The following ZBTB44 variants were observed in gnomAD, a reference collection of about 807,000 sequenced individuals.
The protein encoded by ZBTB44 is zinc finger and BTB domain containing 44.
A neutral mutation model predicts 54.0 loss-of-function variants in ZBTB44; 15 were observed. That is an observed-to-expected ratio of 0.28 (90% confidence interval 0.19 to 0.43). The LOEUF is 0.43. ZBTB44 is among the 20% of genes least tolerant of loss of function. The pLI is 1.00. For synonymous variants in ZBTB44, 230 were observed against 250.1 expected (o/e 0.92, Z 0.76); for missense variants, 487 against 707.1 (o/e 0.69, Z 3.53).
chr11:130,271,107 G>A (rs1190220500), intron 1 of ZBTB44, among the ~76,000 whole-genome samples: 1 of 152,114 alleles, frequency 6.6e-6, no homozygotes, highest in Non-Finnish European at 1.5e-5. Flanking sequence ...ATACAACAGA[G>A]TGAAATATAT....
At chr11:130,235,984 A>T in intron 5 of ZBTB44, 6 of 897,444 alleles carry the variant, frequency 6.7e-6, no homozygotes, top group Non-Finnish European at 8.5e-6. Context: ...AAAAAAAAGA[A>T]AGATTTGTAA....
At chr11:130,241,139 T>C (rs1021773946) in intron 2 of ZBTB44, among the ~76,000 whole-genome samples, 1 of 152,242 alleles carries the variant, frequency 6.6e-6, no homozygotes, top group African/African-American at 2.4e-5. Flanking sequence ...TTTTTGGCTA[T>C]TAAGAACAAT....
At chr11:130,303,060 C>T (rs942902615) in intron 1 of ZBTB44, among the ~76,000 whole-genome samples, 1 of 152,150 alleles carries the variant, frequency 6.6e-6, no homozygotes, top group Non-Finnish European at 1.5e-5. Flanking sequence ...ATTTTCTTAT[C>T]AAAGAGCACG....
chr11:130,258,598 C>A (rs1325094134), intron 2 of ZBTB44, among the ~76,000 whole-genome samples: 1 of 152,160 alleles, frequency 6.6e-6, no homozygotes, highest in African/African-American at 2.4e-5. Context: ...CCATTTTGCT[C>A]TAATTTTGTT....
chr11:130,295,994 T>G, intron 1 of ZBTB44: 2 of 1,553,342 alleles, frequency 1.3e-6, no homozygotes, highest in South Asian at 1.1e-5. Flanking sequence ...CTGTATCATA[T>G]GCAGAATATC....
chr11:130,288,524 C>G (rs1029360057), intron 1 of ZBTB44, among the ~76,000 whole-genome samples: 2 of 152,104 alleles, frequency 1.3e-5, no homozygotes, highest in Non-Finnish European at 2.9e-5. Context: ...TTTAATCTCA[C>G]GTACTCTCTA....
chr11:130,258,531 A>G (rs907386079), intron 2 of ZBTB44, among the ~76,000 whole-genome samples: 1 of 152,204 alleles, frequency 6.6e-6, no homozygotes, highest in Non-Finnish European at 1.5e-5. Flanking sequence ...CACTAAGATA[A>G]AATCCAAGCT....
chr11:130,292,375 C>G (rs964021428), intron 1 of ZBTB44, among the ~76,000 whole-genome samples: 2 of 152,130 alleles, frequency 1.3e-5, no homozygotes, highest in African/African-American at 4.8e-5. Context: ...ACTTTACATA[C>G]AAGTGATCAG....
rs1174570075 is a variant in ZBTB44, at chr11:130,314,773, G to A, written c.-455C>T. On this transcript the variant is annotated 5_prime_UTR_variant, in exon 1 of 8. Coordinates refer to ENST00000357899, the MANE Select transcript of ZBTB44 (RefSeq NM_001301098.2). ...ACGGCTCGCGTGTTCCCAGCGGGGCGGGGTGGGGAAGGGGAAGGGGACTGA... is the reference window on the plus strand; with the variant it reads ...ACGGCTCGCGTGTTCCCAGCGGGGCAGGGTGGGGAAGGGGAAGGGGACTGA... 6.6e-6 allele frequency: 1 copy of A among 151,044 alleles called. No individual in the cohort carries two copies. The highest frequency in any genetic ancestry group is 1.5e-5 in the Non-Finnish European group (1 of 67,618). 9.4% of individuals were successfully genotyped at this position (151,044 alleles called of 1,614,324 possible).
intron 1 of ZBTB44, among the ~76,000 whole-genome samples, chr11:130,290,185 G>A (rs1941219381): frequency 1.3e-5 from 2 of 152,096 alleles, no homozygotes; most frequent in African/African-American, 4.8e-5. Context: ...AAGAGGAGGT[G>A]GTGTAGCAAC....
Position 130,261,839 on chromosome 11 carries a change from G to C in ZBTB44, c.35C>G (p.Ser12Cys), listed in dbSNP as rs1565660279. Residue 12 changes from serine (S) to cysteine (C), a missense_variant, in exon 2 of 8, where the codon TCC becomes TGC. Ser to Cys is a moderately radical substitution (Grantham distance 112). Around this residue, in one of 3 missense-constraint regions of ZBTB44, gnomAD observed 90 missense variants for 160.3 expected, o/e 0.56. Coordinates refer to ENST00000357899, the MANE Select transcript of ZBTB44 (RefSeq NM_001301098.2). This position sits in a 1 kb window ranked among gnomAD's most constrained non-coding sequence, Gnocchi z 4.8. The part of the protein sequence containing the change: ...GVKTFTHSSS[S>C]HSQEMLGKLN... Reference sequence around the variant, plus strand: ...CTTTCCAAGCATTTCCTGGCTGTGGGAAGAGGAGCTATGAGTAAATGTTTT... The same window carrying C: ...CTTTCCAAGCATTTCCTGGCTGTGGCAAGAGGAGCTATGAGTAAATGTTTT... 1 of 1,613,106 alleles carries C rather than the reference G, an allele frequency of 6.2e-7. No homozygotes were observed. Among genetic ancestry groups the C allele is most frequent in the Non-Finnish European group, 8.5e-7 (1 of 1,179,208 alleles).
In ZBTB44 at chr11:130,261,466, T is replaced by G; in HGVS notation, c.408A>C (p.Gln136His). The G allele has an allele frequency of 6.2e-7, 1 of 1,613,972 alleles. No individual in the cohort carries two copies. The highest frequency in any genetic ancestry group is 8.5e-7 in the Non-Finnish European group (1 of 1,179,882). ...SSILWNTPNS[Q>H]PEKGLDAGQE... ...GTCCAGCATCTAGACCCTTTTCAGGTTGGCTGTTGGGTGTATTCCATAAAA... is the reference window on the plus strand; with the variant it reads ...GTCCAGCATCTAGACCCTTTTCAGGGTGGCTGTTGGGTGTATTCCATAAAA... Residue 136 changes from glutamine to histidine, a missense_variant, in exon 2 of 8, where the codon CAA becomes CAC. This residue lies in a region of ZBTB44 where 277 missense variants were observed against 306.5 expected (regional missense o/e 0.90). Transcript: ENST00000357899. The surrounding 1 kb of genome is among the most constrained non-coding windows in gnomAD (Gnocchi z 4.8).
rs576465579 is a variant in ZBTB44, at chr11:130,259,210, T to C, written c.1018+1646A>G. Among the ~76,000 whole-genome samples the C allele has an allele frequency of 3.3e-5, 5 of 152,292 alleles. No individual in the cohort carries two copies. In the South Asian group the frequency reaches 1.0e-3, roughly 32 times the overall value. On this transcript the variant is annotated intron_variant, in intron 2 of 7. Coordinates refer to ENST00000357899, the MANE Select transcript of ZBTB44 (RefSeq NM_001301098.2). ...GTTACCATTGACTTTCTTCACGGAA[T>C]TGGAAAAAACTCCTTTAAATTTCAT...
chr11:130,257,169 T>C (rs760642555), intron 2 of ZBTB44, among the ~76,000 whole-genome samples: 18 of 143,420 alleles, frequency 1.3e-4, no homozygotes, highest in Non-Finnish European at 2.4e-4. Context: ...CTTCCATTCA[T>C]AATTGCTACA....
chr11:130,268,309 A>T (rs74415696), intron 1 of ZBTB44, among the ~76,000 whole-genome samples: 6,144 of 152,000 alleles, frequency 0.04, 312 homozygotes, highest in African/African-American at 0.11. Flanking sequence ...CTCATTAAAC[A>T]AACTGCCACA....
intron 1 of ZBTB44, among the ~76,000 whole-genome samples, chr11:130,269,194 C>A (rs1323010730): frequency 6.6e-6 from 1 of 151,930 alleles, no homozygotes; most frequent in Non-Finnish European, 1.5e-5. Flanking sequence ...GAGGCTGAGG[C>A]AGGTGAATCA....
At chr11:130,244,670 A>AGG (rs1565648507) in intron 2 of ZBTB44, among the ~76,000 whole-genome samples, 54 of 108,532 alleles carry the variant, frequency 5.0e-4, no homozygotes, top group African/African-American at 1.8e-3. Context: ...CTGTCTGGAA[A>AGG]AAAAAAAAAA....
At chr11:130,305,747 T>C (rs1351919123) in intron 1 of ZBTB44, among the ~76,000 whole-genome samples, 1 of 151,926 alleles carries the variant, frequency 6.6e-6, no homozygotes, top group African/African-American at 2.4e-5. Flanking sequence ...CAAAAATAAA[T>C]GGGACCTAAT....
At chr11:130,250,722 T>TAACATC (rs888732642) in intron 2 of ZBTB44, among the ~76,000 whole-genome samples, 6 of 151,886 alleles carry the variant, frequency 4.0e-5, no homozygotes, top group South Asian at 2.1e-4. Flanking sequence ...CAAAAAGCAA[T>TAACATC]AACATCAACA....
Sources: allele counts gnomAD v4.1 joint callset (sites outside exome capture counted in the v4.1 genomes callset), GRCh38; gene constraint gnomAD v4.1.1; regional missense constraint gnomAD v4.1.1; non-coding constraint Gnocchi (gnomAD v3.1); transcripts MANE v1.5; gene names NCBI Gene and HGNC (gene_info 2026-07-23, HGNC 2026-07-21).